The following MSH4 variants were observed in gnomAD, a reference collection of about 807,000 sequenced individuals.
MSH4 encodes mutS homolog 4.
Under a neutral mutation model 113.7 loss-of-function variants are expected in MSH4, and 106 were observed. The observed-to-expected ratio is 0.93, with a 90% CI of 0.80 to 1.10. The LOEUF (loss-of-function observed/expected upper bound fraction) is 1.10, where lower values mean the gene tolerates loss of function less well. Among genes scored for constraint, MSH4 ranks in the 50% least tolerant of loss-of-function variants. The pLI, the probability that MSH4 is intolerant of heterozygous loss-of-function variation, is 0.00. For synonymous variants in MSH4, 368 were observed against 380.2 expected (o/e 0.97, Z 0.37); for missense variants, 1,061 against 1,093.7 (o/e 0.97, Z 0.42).
intron 7 of MSH4, among the ~76,000 whole-genome samples, chr1:75,841,510 A>G (rs890638383): frequency 2.0e-5 from 3 of 152,144 alleles, no homozygotes; most frequent in African/African-American, 7.2e-5. Flanking sequence ...ACTTAGGTTG[A>G]TATAAAAGAG....
At chr1:75,838,565 C>T (rs1269008852) in intron 7 of MSH4, among the ~76,000 whole-genome samples, 1 of 152,184 alleles carries the variant, frequency 6.6e-6, no homozygotes, top group Admixed American at 6.5e-5. Context: ...AATCTTTTCT[C>T]TTTAGATTCT....
chr1:75,808,884 A>G (rs1650124172), intron 3 of MSH4, among the ~76,000 whole-genome samples: 2 of 152,280 alleles, frequency 1.3e-5, no homozygotes, highest in South Asian at 4.1e-4. Context: ...TCTATCAGGT[A>G]GAGATAGTTT....
chr1:75,888,760 A>G (rs1386940458), intron 15 of MSH4, among the ~76,000 whole-genome samples: 2 of 152,002 alleles, frequency 1.3e-5, no homozygotes, highest in African/African-American at 4.8e-5. Context: ...TCATATTTTA[A>G]TATTTTGAAT....
rs763196806 is a variant in MSH4 at position 75,912,838 on chromosome 1, A to G, written c.2762A>G (p.Lys921Arg). 4 of 1,581,354 alleles carry G rather than the reference A, an allele frequency of 2.5e-6. No individual in the cohort carries two copies. The highest frequency in any genetic ancestry group is 3.4e-6 in the Non-Finnish European group (4 of 1,165,106). Residue 921 changes from lysine (K) to arginine (R), a missense_variant, in exon 20 of 20, where the codon AAA becomes AGA. Physicochemically the swap from Lys to Arg is conservative, Grantham distance 26. Transcript: ENST00000263187. Reference sequence around the variant, plus strand: ...TTAAGTAACCTCAAGAAGAAGTACAAAGAAGATTTTCCCAGGACTGAACAA... The same window carrying G: ...TTAAGTAACCTCAAGAAGAAGTACAGAGAAGATTTTCCCAGGACTGAACAA... Reference protein sequence around the residue: ...IYLSNLKKKYKEDFPRTEQVP... With the variant: ...IYLSNLKKKYREDFPRTEQVP...
intron 8 of MSH4, among the ~76,000 whole-genome samples, chr1:75,856,023 C>T (rs529006675): frequency 6.6e-6 from 1 of 152,268 alleles, no homozygotes; most frequent in Admixed American, 6.5e-5. Flanking sequence ...TAATATACAT[C>T]TTTTTGCACT....
At chr1:75,875,914 G>A (rs999345931) in intron 9 of MSH4, among the ~76,000 whole-genome samples, 7 of 151,970 alleles carry the variant, frequency 4.6e-5, no homozygotes, top group African/African-American at 1.7e-4. Flanking sequence ...ATCACAAATT[G>A]TCCACCTAAG....
At position 75,813,258 on chromosome 1, in the gene MSH4, G is replaced by A. The variant is rs1650226437; in HGVS notation, c.700-1763G>A. 2.0e-5 allele frequency among the ~76,000 whole-genome samples: 3 copies of A among 152,108 alleles called. 1 individual carries two copies. Among genetic ancestry groups the A allele is most frequent in the Admixed American group, 2.0e-4 (3 of 15,272 alleles). ...TTCTGGGGGTAGATACACTATAATTGACTAATCCTTTTGCTGTGAGACACA... is the reference window on the plus strand; with the variant it reads ...TTCTGGGGGTAGATACACTATAATTAACTAATCCTTTTGCTGTGAGACACA... On this transcript the variant is annotated intron_variant, in intron 4 of 19. Transcript: ENST00000263187.
At chr1:75,822,317 T>G in intron 6 of MSH4, 92 bp from the exon 7 acceptor site, 1 of 753,760 alleles carries the variant, frequency 1.3e-6, no homozygotes, top group Non-Finnish European at 2.1e-6. Flanking sequence ...GAATCATTGC[T>G]GTAGATTATA....
chr1:75,877,471 A>G (rs1651840670), intron 10 of MSH4, among the ~76,000 whole-genome samples: 1 of 152,180 alleles, frequency 6.6e-6, no homozygotes, highest in Non-Finnish European at 1.5e-5. Context: ...TTGGTTCTGA[A>G]CTGAAAAGAT....
At chr1:75,845,174 C>G (rs1651049362) in intron 7 of MSH4, among the ~76,000 whole-genome samples, 1 of 152,204 alleles carries the variant, frequency 6.6e-6, no homozygotes, top group Non-Finnish European at 1.5e-5. Context: ...GGGACACATT[C>G]AAACCATAGC....
intron 8 of MSH4, among the ~76,000 whole-genome samples, chr1:75,857,681 G>C (rs1651351067): frequency 6.6e-6 from 1 of 152,110 alleles, no homozygotes; most frequent in African/African-American, 2.4e-5. Context: ...TGCTGTTTTG[G>C]TTACTGTAGC....
rs374829811 is a variant in MSH4, at chr1:75,888,466, T to G, written c.2108-785T>G. Among the ~76,000 whole-genome samples, 4 of 152,140 alleles carry G rather than the reference T, an allele frequency of 2.6e-5. No homozygotes were observed. In the East Asian group the frequency reaches 7.7e-4, roughly 29 times the overall value. On this transcript the variant is annotated intron_variant, in intron 15 of 19. Transcript: ENST00000263187. ...GTCTTGTGGGTGAAAATTCACCTTT[T>G]TTTTCTTTTTATTAAATGTTTTGCT... is the stretch of plus-strand genomic sequence containing the variant.
intron 8 of MSH4, among the ~76,000 whole-genome samples, chr1:75,867,057 A>T (rs1249284177): frequency 6.6e-6 from 1 of 152,186 alleles, no homozygotes; most frequent in Non-Finnish European, 1.5e-5. Flanking sequence ...TAGTGGAATT[A>T]TGAAAAGTTT....
chr1:75,875,380 C>A (rs916145936), intron 9 of MSH4, among the ~76,000 whole-genome samples: 1 of 152,108 alleles, frequency 6.6e-6, no homozygotes, highest in Admixed American at 6.5e-5. Context: ...TGAAGATCTA[C>A]AGTTTTTGTT....
At chr1:75,871,461 A>G (rs1651711531) in intron 9 of MSH4, among the ~76,000 whole-genome samples, 1 of 152,240 alleles carries the variant, frequency 6.6e-6, no homozygotes, top group Non-Finnish European at 1.5e-5. Flanking sequence ...AATGACCCAA[A>G]GAAGGAAATC....
chr1:75,817,839 CT>C (rs1650324979), intron 6 of MSH4, among the ~76,000 whole-genome samples: 1 of 151,986 alleles, frequency 6.6e-6, no homozygotes, highest in African/African-American at 2.4e-5. Flanking sequence ...CCCCCTCCCC[CT>C]AGCCAGTTGA....
chr1:75,890,564 C>G (rs1352987504), intron 16 of MSH4, 132 bp from the exon 17 acceptor site: 2 of 477,816 alleles, frequency 4.2e-6, no homozygotes. Context: ...CTATTATTTT[C>G]TGCTCAGCAG....
rs1471035837 is a variant in MSH4, at chr1:75,797,037, CCGT to C, written c.58_60del (p.Ser20del). On this transcript the variant is annotated inframe_deletion, in exon 1 of 20. Transcript: ENST00000263187. Reference sequence around the variant, plus strand: ...CTCGCCTTCTGCCCCGGCGGTTTCCCCGTCGTCGGGAGAAACCCGCTCACCTCA... The same window carrying C: ...CTCGCCTTCTGCCCCGGCGGTTTCCCCGTCGGGAGAAACCCGCTCACCTCA... The C allele has an allele frequency of 1.9e-6, 3 of 1,613,976 alleles. No homozygotes were observed. Among genetic ancestry groups the C allele is most frequent in the East Asian group, 2.2e-5 (1 of 44,882 alleles).
chr1:75,814,976 GC>G, intron 4 of MSH4, 44 bp from the exon 5 acceptor site: 1 of 1,151,742 alleles, frequency 8.7e-7, no homozygotes, highest in South Asian at 1.3e-5. Flanking sequence ...TTGGGCAAGC[GC>G]ATGGCACTTC....
Sources: gnomAD v4.1 joint callset for allele counts (sites outside exome capture counted in the v4.1 genomes callset) on GRCh38, gnomAD v4.1.1 for gene constraint, MANE v1.5 for transcripts, NCBI Gene and HGNC (gene_info 2026-07-23, HGNC 2026-07-21) for gene names.